Variants in LAMB1 observed in about 807,000 individuals in gnomAD.
The protein encoded by LAMB1 is laminin subunit beta 1, also known as laminin subunit beta-1.
A neutral mutation model predicts 222.3 loss-of-function variants in LAMB1; 121 were observed. That is an observed-to-expected ratio of 0.54 (90% CI 0.47 to 0.63). LAMB1 has a LOEUF of 0.63. LAMB1 is among the 30% of genes least tolerant of loss of function. LAMB1 has a pLI of 0.00. For synonymous variants in LAMB1, 794 were observed against 807.2 expected (o/e 0.98, Z 0.28); for missense variants, 2,172 against 2,240.8 (o/e 0.97, Z 0.62).
Position 107,959,671 on chromosome 7 carries a change from A to G in LAMB1, c.2458+20T>C. The G allele has an allele frequency of 6.2e-7, 1 of 1,614,214 alleles. No homozygotes were observed. Among genetic ancestry groups the G allele is most frequent in the Non-Finnish European group, 8.5e-7 (1 of 1,180,044 alleles). On this transcript the variant is annotated intron_variant, in intron 19 of 33. Coordinates refer to ENST00000222399, the MANE Select transcript of LAMB1 (RefSeq NM_002291.3). The stretch of plus-strand genomic sequence containing the variant: ...GAGTTAATCTGAATGAATGCATAAC[A>G]ATGCTTTTGAGGAACCTACGTTTGC...
At chr7:107,943,728 G>A (rs1348554744) in intron 24 of LAMB1, among the ~76,000 whole-genome samples, 1 of 152,060 alleles carries the variant, frequency 6.6e-6, no homozygotes, top group Non-Finnish European at 1.5e-5. Flanking sequence ...TCACAGTCAC[G>A]CGACCCCGTT....
At chr7:107,945,534 G>C (rs1053932113) in intron 24 of LAMB1, among the ~76,000 whole-genome samples, 2 of 152,220 alleles carry the variant, frequency 1.3e-5, no homozygotes, top group Admixed American at 6.5e-5. Flanking sequence ...CATGTTGTCT[G>C]TGTTGTCCTT....
rs944061413 is a variant in LAMB1, at chr7:107,941,858, T to A, written c.3392-1500A>T. 8.8e-5 allele frequency among the ~76,000 whole-genome samples: 9 copies of A among 102,284 alleles called. No homozygotes were observed. The East Asian group carries it at 1.0e-3, about 12-fold the overall frequency. 67.1% of individuals were successfully genotyped at this position (102,284 alleles called of 152,430 possible). ...TTTTTTTTTTTTTTTTTTTTTTTTT[T>A]AAGAGACGGTGTTTCTCCATGTTGG... On this transcript the variant is annotated intron_variant, in intron 24 of 33. Transcript: ENST00000222399.
chr7:107,969,443 A>C (rs1328705749), intron 13 of LAMB1, among the ~76,000 whole-genome samples: 1 of 152,210 alleles, frequency 6.6e-6, no homozygotes, highest in Non-Finnish European at 1.5e-5. Context: ...AACATCATTC[A>C]TAATAACCAA....
intron 25 of LAMB1, among the ~76,000 whole-genome samples, chr7:107,937,624 G>A (rs1235597813): frequency 6.6e-6 from 1 of 152,092 alleles, no homozygotes; most frequent in Admixed American, 6.5e-5. Flanking sequence ...TTACAATTGT[G>A]AAAACTGAAG....
In LAMB1 at chr7:107,961,252, G is replaced by T. The variant is rs1562990912; in HGVS notation, c.2063C>A (p.Thr688Asn). Residue 688 changes from threonine (T) to asparagine (N), a missense_variant, in exon 17 of 34, where the codon ACC becomes AAC. Coordinates refer to ENST00000222399, the MANE Select transcript of LAMB1 (RefSeq NM_002291.3). ...GCTCTCCACGTCGCTATCAGAGGAG[G>T]TGTACTGAGGCAGCTCCAACCTCAC... ...YTVRLELPQY[T>N]SSDSDVESPY... 1 of 1,613,998 alleles carries T rather than the reference G, an allele frequency of 6.2e-7. No individual in the cohort carries two copies. Among genetic ancestry groups the T allele is most frequent in the East Asian group, 2.2e-5 (1 of 44,878 alleles).
chr7:107,939,949 C>T (rs772537996), intron 25 of LAMB1, 40 bp downstream of exon 25: 16 of 1,579,328 alleles, frequency 1.0e-5, no homozygotes, highest in Non-Finnish European at 1.1e-5. Flanking sequence ...AATATTTTTT[C>T]AGCTTTATGA....
intron 33 of LAMB1, 35 bp from the exon 34 acceptor site, chr7:107,924,122 A>G: frequency 1.3e-6 from 2 of 1,521,954 alleles, no homozygotes; most frequent in Non-Finnish European, 8.8e-7. Flanking sequence ...AGTCTGAGCA[A>G]TTTATACTAT....
In LAMB1 at chr7:107,994,923, T is replaced by C; in HGVS notation, c.387A>G (p.Ala129=). 1 of 1,604,812 alleles carries C rather than the reference T, an allele frequency of 6.2e-7. No individual in the cohort carries two copies. Among genetic ancestry groups the C allele is most frequent in the Non-Finnish European group, 8.5e-7 (1 of 1,172,054 alleles). Residue 129 remains alanine (A), a synonymous_variant, in exon 5 of 34, where the codon GCA becomes GCG. Coordinates refer to ENST00000222399, the MANE Select transcript of LAMB1 (RefSeq NM_002291.3). ...ENVTIQLDLE[A]EFHFTHLIMT... ...TTATGAGATGAGTAAAATGGAATTC[T>C]GCTTCCAAATCCAGTTGGATAGTTA...
At chr7:107,932,449 C>T (rs1562974858) in intron 27 of LAMB1, 72 bp from the exon 28 acceptor site, 6 of 1,475,008 alleles carry the variant, frequency 4.1e-6, no homozygotes, top group South Asian at 1.1e-5. Flanking sequence ...CTGTGCAGGG[C>T]CTGGGTGGCC....
intron 2 of LAMB1, chr7:108,002,221 G>A (rs2034403839): frequency 7.4e-7 from 1 of 1,344,550 alleles, no homozygotes. Context: ...GAGAGTGCGT[G>A]TGCGTGCACG....
chr7:107,972,672 G>A (rs1371776223), intron 13 of LAMB1, among the ~76,000 whole-genome samples: 1 of 152,066 alleles, frequency 6.6e-6, no homozygotes, highest in African/African-American at 2.4e-5. Context: ...TTAGATTGTT[G>A]AAAAATAAAA....
chr7:107,993,767 G>A (rs971584790), intron 5 of LAMB1, among the ~76,000 whole-genome samples: 3 of 152,196 alleles, frequency 2.0e-5, no homozygotes, highest in African/African-American at 7.2e-5. Flanking sequence ...AGGGACAAGC[G>A]GTTGGTGACA....
At chr7:107,982,177 T>C (rs984458257) in intron 7 of LAMB1, among the ~76,000 whole-genome samples, 1 of 152,212 alleles carries the variant, frequency 6.6e-6, no homozygotes, top group African/African-American at 2.4e-5. Context: ...GAAGAGCCAT[T>C]CAACCTTCTC....
Position 107,980,558 on chromosome 7 carries a change from A to G in LAMB1, c.879+51T>C, listed in dbSNP as rs538085483. On this transcript the variant is annotated intron_variant, in intron 8 of 33. Coordinates refer to ENST00000222399, the MANE Select transcript of LAMB1 (RefSeq NM_002291.3). ...TAAGGTAAGACTAGCTTCACTTTGC[A>G]TTTTATTACCAGCCACATAAAGGAG... 1.8e-5 allele frequency: 27 copies of G among 1,462,252 alleles called. No homozygotes were observed. The East Asian group carries it at 5.9e-4, about 32-fold the overall frequency. 90.6% of individuals were successfully genotyped at this position (1,462,252 alleles called of 1,614,324 possible).
chr7:107,996,831 C>T (rs2034290040), intron 4 of LAMB1, among the ~76,000 whole-genome samples: 1 of 152,228 alleles, frequency 6.6e-6, no homozygotes, highest in Admixed American at 6.5e-5. Context: ...AATGTTGAGG[C>T]ATCTTCTTCA....
chr7:107,924,525 T>G lies in LAMB1; in HGVS notation c.5065-136A>C, dbSNP rs146004522. 15 of 611,618 alleles carry G rather than the reference T, an allele frequency of 2.5e-5. No homozygotes were observed. In the East Asian group the frequency reaches 4.6e-4, roughly 19 times the overall value. 37.9% of individuals were successfully genotyped at this position (611,618 alleles called of 1,614,324 possible). A position where few individuals can be genotyped will look rare whatever the true frequency, so the allele number is the denominator to read the frequency against. On this transcript the variant is annotated intron_variant, in intron 32 of 33. Transcript: ENST00000222399. ...TATTCACTGGTAAGTAATTTAAAAT[T>G]TTATCTTCAAACAGTGGAATTGAAT...
intron 31 of LAMB1, 81 bp downstream of exon 31, chr7:107,928,983 G>C: frequency 7.5e-7 from 1 of 1,325,582 alleles, no homozygotes; most frequent in Non-Finnish European, 1.1e-6. Flanking sequence ...AAGAATTTCT[G>C]TTCATAGATA....
intron 25 of LAMB1, among the ~76,000 whole-genome samples, chr7:107,938,499 T>C (rs75941173): frequency 0.01 from 1,557 of 152,282 alleles, 22 homozygotes; most frequent in African/African-American, 0.035. Context: ...TTGGATAGTA[T>C]GTTGAAAAAA....
Sources: allele counts gnomAD v4.1 joint callset (sites outside exome capture counted in the v4.1 genomes callset), GRCh38; gene constraint gnomAD v4.1.1; transcripts MANE v1.5; gene names NCBI Gene and HGNC (gene_info 2026-07-23, HGNC 2026-07-21).